OLFM3: variants seen among roughly 807,000 people sequenced by gnomAD.
OLFM3 encodes the protein noelin-3.
OLFM3 carries 20 observed loss-of-function variants against 48.6 expected under a neutral mutation model. The ratio of observed to expected loss-of-function variants is 0.41; its 90% CI spans 0.29 to 0.60. The LOEUF (loss-of-function observed/expected upper bound fraction) is 0.60, where lower values mean the gene tolerates loss of function less well. Among genes scored for constraint, OLFM3 ranks in the 20% least tolerant of loss-of-function variants. The pLI is 0.28. For synonymous variants in OLFM3, 222 were observed against 198.1 expected (o/e 1.12, Z -1.01); for missense variants, 437 against 544.3 (o/e 0.80, Z 1.96).
chr1:101,904,050 C>T (rs1323158312), intron 1 of OLFM3, among the ~76,000 whole-genome samples: 1 of 152,006 alleles, frequency 6.6e-6, no homozygotes. Context: ...CTTTTTCAAA[C>T]CTTGCCTTTT....
chr1:101,928,009 T>C (rs1171422930), intron 1 of OLFM3, among the ~76,000 whole-genome samples: 1 of 152,046 alleles, frequency 6.6e-6, no homozygotes, highest in African/African-American at 2.4e-5. Context: ...ATAAACCCCA[T>C]TAAGATAGGC....
chr1:101,959,604 A>T (rs1036800792), intron 1 of OLFM3, among the ~76,000 whole-genome samples: 2 of 152,148 alleles, frequency 1.3e-5, no homozygotes, highest in African/African-American at 4.8e-5. Context: ...TTTAAATTTG[A>T]ATTTAGATCT....
At chr1:101,872,676 T>C (rs1469092490) in intron 1 of OLFM3, among the ~76,000 whole-genome samples, 2 of 151,994 alleles carry the variant, frequency 1.3e-5, no homozygotes, top group Non-Finnish European at 2.9e-5. Flanking sequence ...TGATAATTAT[T>C]CTGTAATGAA....
intron 5 of OLFM3, among the ~76,000 whole-genome samples, 193 bp from the exon 6 acceptor site, chr1:101,805,108 G>T (rs1653701761): frequency 6.6e-6 from 1 of 151,780 alleles, no homozygotes; most frequent in African/African-American, 2.4e-5. Context: ...ATGTGGAAAA[G>T]AAATAACTGA....
At chr1:101,815,779 A>C (rs886478911) in intron 4 of OLFM3, among the ~76,000 whole-genome samples, 2 of 152,236 alleles carry the variant, frequency 1.3e-5, no homozygotes, top group Non-Finnish European at 2.9e-5. Flanking sequence ...TACACGTATC[A>C]GTAGAAACAG....
chr1:101,836,261 C>A (rs1371310281), intron 2 of OLFM3, among the ~76,000 whole-genome samples: 2 of 152,178 alleles, frequency 1.3e-5, no homozygotes, highest in Non-Finnish European at 2.9e-5. Flanking sequence ...TCCTCCCTCC[C>A]AACTAAACAT....
At chr1:101,834,361 A>C (rs1233012801) in intron 2 of OLFM3, among the ~76,000 whole-genome samples, 5 of 152,240 alleles carry the variant, frequency 3.3e-5, no homozygotes, top group Admixed American at 1.3e-4. Flanking sequence ...AAAATATACT[A>C]ATAATGGGAA....
chr1:101,899,600 G>A (rs1360231680), intron 1 of OLFM3, among the ~76,000 whole-genome samples: 1 of 152,066 alleles, frequency 6.6e-6, no homozygotes, highest in Non-Finnish European at 1.5e-5. Flanking sequence ...TTAGTTGCTG[G>A]TAAACGTTTG....
chr1:101,874,449 T>C (rs1198019023), intron 1 of OLFM3, among the ~76,000 whole-genome samples: 1 of 151,472 alleles, frequency 6.6e-6, no homozygotes, highest in Non-Finnish European at 1.5e-5. Flanking sequence ...TATGGTCAAT[T>C]TCTTTTCTGT....
At chr1:101,805,088 T>C (rs1557680499) in intron 5 of OLFM3, among the ~76,000 whole-genome samples, 173 bp from the exon 6 acceptor site, 1 of 151,876 alleles carries the variant, frequency 6.6e-6, no homozygotes, top group African/African-American at 2.4e-5. Context: ...AATATTGCTA[T>C]GGTCTGTCCA....
At chr1:101,948,024 T>C (rs960521718) in intron 1 of OLFM3, among the ~76,000 whole-genome samples, 12 of 152,154 alleles carry the variant, frequency 7.9e-5, no homozygotes, top group African/African-American at 2.9e-4. Context: ...ATTATCACAA[T>C]AGATCTGAAA....
At chr1:101,986,494 T>A (rs2101115677) in intron 1 of OLFM3, among the ~76,000 whole-genome samples, 1 of 152,340 alleles carries the variant, frequency 6.6e-6, no homozygotes, top group African/African-American at 2.4e-5. Context: ...AACTTTTCAA[T>A]ATCCTATTTA....
At chr1:101,806,711 C>A (rs1653794548) in intron 4 of OLFM3, among the ~76,000 whole-genome samples, 1 of 151,570 alleles carries the variant, frequency 6.6e-6, no homozygotes, top group Non-Finnish European at 1.5e-5. Context: ...CAATCACAGT[C>A]TATAAGAAAG....
At chr1:101,929,750 A>T (rs916343279) in intron 1 of OLFM3, among the ~76,000 whole-genome samples, 1 of 152,286 alleles carries the variant, frequency 6.6e-6, no homozygotes, top group African/African-American at 2.4e-5. Flanking sequence ...TTAAAGTCAG[A>T]GAGAATAGAA....
At chr1:101,995,813 G>A (rs1661540650) in intron 1 of OLFM3, among the ~76,000 whole-genome samples, 1 of 152,036 alleles carries the variant, frequency 6.6e-6, no homozygotes, top group Admixed American at 6.6e-5. Context: ...ATTGCTGTTG[G>A]CCAGTTAAAT....
At chr1:101,957,606 G>A (rs1414042891) in intron 1 of OLFM3, among the ~76,000 whole-genome samples, 2 of 152,010 alleles carry the variant, frequency 1.3e-5, no homozygotes, top group East Asian at 3.9e-4. Context: ...TATTGCACAG[G>A]AATTAAATAA....
At chr1:101,821,621 C>G (rs1423560038) in intron 4 of OLFM3, among the ~76,000 whole-genome samples, 1 of 152,032 alleles carries the variant, frequency 6.6e-6, no homozygotes, top group South Asian at 2.1e-4. Flanking sequence ...TAAAAACTAA[C>G]CAGTTATTGA....
chr1:101,974,768 C>G lies in OLFM3; in HGVS notation c.69+21980G>C, dbSNP rs558062238. 2.0e-5 allele frequency among the ~76,000 whole-genome samples: 3 copies of G among 152,060 alleles called. No individual in the cohort carries two copies. In the South Asian group the frequency reaches 6.2e-4, roughly 31 times the overall value. On this transcript the variant is annotated intron_variant, in intron 1 of 5. Coordinates refer to ENST00000370103, the MANE Select transcript of OLFM3 (RefSeq NM_058170.4). ...CTAGATAGTTTTGACATTTGCTTAT[C>G]TACTTTTTTGTTTGGTCCTGGGTTC...
At chr1:101,846,751 G>T in intron 1 of OLFM3, 2 of 864,020 alleles carry the variant, frequency 2.3e-6, no homozygotes, top group Non-Finnish European at 1.9e-6. Context: ...ACCTGTAAAG[G>T]CAGAAGCAAA....
Sources: allele counts gnomAD v4.1 joint callset (sites outside exome capture counted in the v4.1 genomes callset), GRCh38; gene constraint gnomAD v4.1.1; transcripts MANE v1.5; gene names NCBI Gene and HGNC (gene_info 2026-07-23, HGNC 2026-07-21).